Variants in CLNK observed in about 807,000 individuals in gnomAD.
CLNK encodes cytokine dependent hematopoietic cell linker, also known as cytokine-dependent hematopoietic cell linker.
A neutral mutation model predicts 68.6 loss-of-function variants in CLNK; 74 were observed. That is an observed-to-expected ratio of 1.08 (90% CI 0.89 to 1.31). CLNK has a LOEUF of 1.31. Among genes scored for constraint, CLNK ranks in the 50% most tolerant of loss-of-function variants. The probability of loss-of-function intolerance (pLI) is 0.00; values close to 1 mark genes in which losing one functional copy is unlikely to be tolerated. For missense variants in CLNK, 553 were observed against 515.3 expected (o/e 1.07, Z -0.71); for synonymous variants, 198 against 172.2 (o/e 1.15, Z -1.17).
chr4:10,707,772 G>T, the CLNK span, among the ~76,000 whole-genome samples: 5 of 152,280 alleles, frequency 3.3e-5, no homozygotes, highest in Admixed American at 2.0e-4. Context: ...TTTTCTTTAG[G>T]ACATAAGTGA....
chr4:10,671,354 C>A (rs1206498640), intron 1 of CLNK, among the ~76,000 whole-genome samples: 1 of 151,092 alleles, frequency 6.6e-6, no homozygotes. Context: ...CCACTGCACT[C>A]CAGCCTGGGC....
chr4:10,624,385 T>A (rs548139528), intron 2 of CLNK, among the ~76,000 whole-genome samples: 1 of 152,150 alleles, frequency 6.6e-6, no homozygotes, highest in East Asian at 1.9e-4. Context: ...CTCCGCCTCC[T>A]GGGTTCACGC....
At chr4:10,598,351 C>A (rs930972204) in intron 2 of CLNK, among the ~76,000 whole-genome samples, 1 of 152,186 alleles carries the variant, frequency 6.6e-6, no homozygotes, top group African/African-American at 2.4e-5. Flanking sequence ...AACAGGGTGA[C>A]CTTGGTACCG....
intron 2 of CLNK, among the ~76,000 whole-genome samples, chr4:10,640,522 T>C (rs1329036374): frequency 6.6e-6 from 1 of 152,158 alleles, no homozygotes; most frequent in African/African-American, 2.4e-5. Flanking sequence ...CACACACACA[T>C]AACACACACA....
chr4:10,525,884 A>C lies in CLNK; in HGVS notation c.688T>G (p.Leu230Val). ...ATCTCTTGAGTATTTTGGTTTTCTA[A>C]CAGATGAGTTGATTCAGGCTTCCTC... ...NQRKPESTHL[L>V]ENQNTQEIPL... is the part of the protein sequence containing the mutation. Residue 230 changes from leucine to valine, a missense_variant, in exon 14 of 19, where the codon TTA (leucine) becomes GTA (valine). Physicochemically the swap from Leu to Val is conservative, Grantham distance 32. Transcript: ENST00000226951. The C allele has an allele frequency of 6.3e-7, 1 of 1,583,322 alleles. No individual in the cohort carries two copies. The highest frequency in any genetic ancestry group is 8.6e-7 in the Non-Finnish European group (1 of 1,162,910).
chr4:10,490,922 G>A (rs3762897), intron 18 of CLNK, among the ~76,000 whole-genome samples: 43,606 of 130,262 alleles, frequency 0.33, 7,439 homozygotes, highest in Non-Finnish European at 0.44. Context: ...GCGCCACCAC[G>A]CCCAGCTAAT....
intron 3 of CLNK, among the ~76,000 whole-genome samples, chr4:10,586,054 C>G (rs112721901): frequency 2.6e-5 from 4 of 152,096 alleles, no homozygotes; most frequent in African/African-American, 9.7e-5. Context: ...GCACGGTTCA[C>G]GGTAGGGTTT....
At chr4:10,587,856 C>T (rs1464919012) in intron 3 of CLNK, among the ~76,000 whole-genome samples, 2 of 152,190 alleles carry the variant, frequency 1.3e-5, no homozygotes, top group African/African-American at 4.8e-5. Flanking sequence ...ATGGCAAGTC[C>T]TGCTTAGGAG....
At chr4:10,536,893 G>A (rs1471312203) in intron 11 of CLNK, among the ~76,000 whole-genome samples, 2 of 151,896 alleles carry the variant, frequency 1.3e-5, no homozygotes, top group African/African-American at 2.4e-5. Flanking sequence ...GTTTGTGCCC[G>A]CAGAGGGACG....
chr4:10,590,519 T>C (rs1182676734), intron 3 of CLNK, among the ~76,000 whole-genome samples: 2 of 152,160 alleles, frequency 1.3e-5, no homozygotes, highest in South Asian at 2.1e-4. Flanking sequence ...CACCGACTGT[T>C]AGTCCAGAAT....
At chr4:10,501,702 G>A (rs10030357) in intron 17 of CLNK, among the ~76,000 whole-genome samples, 25,597 of 152,102 alleles carry the variant, frequency 0.17, 2,572 homozygotes, top group Middle Eastern at 0.28. Flanking sequence ...CAAGGCAGGC[G>A]GATCACCGGA....
chr4:10,714,701 T>TGC, the CLNK span, among the ~76,000 whole-genome samples: 1 of 151,816 alleles, frequency 6.6e-6, no homozygotes, highest in Non-Finnish European at 1.5e-5. Context: ...TGTGTGTGTG[T>TGC]GTGTGTGTGT....
chr4:10,679,223 C>T (rs1335485974), intron 1 of CLNK, among the ~76,000 whole-genome samples: 1 of 152,172 alleles, frequency 6.6e-6, no homozygotes, highest in Non-Finnish European at 1.5e-5. Flanking sequence ...ATATCTACAA[C>T]TATCTGATCT....
intron 14 of CLNK, among the ~76,000 whole-genome samples, chr4:10,521,706 T>C (rs1718073847): frequency 1.3e-5 from 2 of 152,258 alleles, no homozygotes; most frequent in South Asian, 4.1e-4. Flanking sequence ...CCAGCCACCA[T>C]ACTATGCTGT....
At chr4:10,653,334 C>T (rs552458454) in intron 2 of CLNK, among the ~76,000 whole-genome samples, 3 of 151,896 alleles carry the variant, frequency 2.0e-5, no homozygotes, top group Admixed American at 2.0e-4. Context: ...GCACATTCTG[C>T]ACACGTACTC....
chr4:10,716,890 C>T, the CLNK span, among the ~76,000 whole-genome samples: 1 of 151,974 alleles, frequency 6.6e-6, no homozygotes, highest in Non-Finnish European at 1.5e-5. Context: ...GACAGGGTTT[C>T]ACCATGTTGG....
intron 8 of CLNK, among the ~76,000 whole-genome samples, chr4:10,550,317 C>A (rs1416707454): frequency 6.6e-6 from 1 of 152,084 alleles, no homozygotes; most frequent in Non-Finnish European, 1.5e-5. Context: ...CATGGTGAAA[C>A]CCTGTCTCTA....
chr4:10,564,387 C>T (rs959045503), intron 7 of CLNK, among the ~76,000 whole-genome samples: 7 of 152,160 alleles, frequency 4.6e-5, no homozygotes, highest in South Asian at 2.1e-4. Context: ...CTGGAGAATG[C>T]GATGAGCATT....
chr4:10,723,919 A>AGAGAGACAGAGAGAGAGAGATCG, the CLNK span, among the ~76,000 whole-genome samples: 45 of 148,016 alleles, frequency 3.0e-4, no homozygotes, highest in East Asian at 1.4e-3. Flanking sequence ...AGAGAGAGAG[A>AGAGAGACAGAGAGAGAGAGATCG]AGGCAGGGCA....
Sources: gnomAD v4.1 joint callset for allele counts (sites outside exome capture counted in the v4.1 genomes callset) on GRCh38, gnomAD v4.1.1 for gene constraint, MANE v1.5 for transcripts, NCBI Gene and HGNC (gene_info 2026-07-23, HGNC 2026-07-21) for gene names.